The following RABGAP1L variants were observed in gnomAD, a reference collection of about 807,000 sequenced individuals.
RABGAP1L encodes the protein rab GTPase-activating protein 1-like.
Under a neutral mutation model 137.7 loss-of-function variants are expected in RABGAP1L, and 63 were observed. That is an observed-to-expected ratio of 0.46 (90% CI 0.37 to 0.56). RABGAP1L has a LOEUF of 0.56. RABGAP1L is among the 20% of genes least tolerant of loss of function. RABGAP1L has a pLI of 0.00. For missense variants in RABGAP1L, 1,095 were observed against 1,244.0 expected (o/e 0.88, Z 1.80); for synonymous variants, 431 against 433.7 (o/e 0.99, Z 0.08).
At chr1:174,467,509 A>G (rs1657437644) in intron 13 of RABGAP1L, among the ~76,000 whole-genome samples, 1 of 152,298 alleles carries the variant, frequency 6.6e-6, no homozygotes. Flanking sequence ...GAGTAAAATT[A>G]TCTATACCAG....
chr1:174,764,404 C>T (rs1685495306), intron 18 of RABGAP1L, among the ~76,000 whole-genome samples: 1 of 152,140 alleles, frequency 6.6e-6, no homozygotes. Flanking sequence ...AAAGCAGCTG[C>T]ACCATTACAT....
At chr1:174,969,694 C>T (rs1188191933) in intron 21 of RABGAP1L, among the ~76,000 whole-genome samples, 1 of 152,200 alleles carries the variant, frequency 6.6e-6, no homozygotes, top group African/African-American at 2.4e-5. Flanking sequence ...CAAGAATATG[C>T]CTGTACTAAT....
At chr1:174,710,024 G>T (rs1401774849) in intron 17 of RABGAP1L, among the ~76,000 whole-genome samples, 1 of 152,154 alleles carries the variant, frequency 6.6e-6, no homozygotes, top group East Asian at 1.9e-4. Flanking sequence ...GCATACACAA[G>T]TATCAATAGC....
chr1:174,393,572 TCC>T, intron 12 of RABGAP1L, among the ~76,000 whole-genome samples: 1 of 152,296 alleles, frequency 6.6e-6, no homozygotes, highest in Non-Finnish European at 1.5e-5. Flanking sequence ...AGGCCTATGA[TCC>T]GTTTTCAACA....
At chr1:174,365,334 G>GT (rs1169024786) in intron 11 of RABGAP1L, 1 of 152,136 alleles carries the variant, frequency 6.6e-6, no homozygotes, top group Non-Finnish European at 1.5e-5. Flanking sequence ...ATTAATCATG[G>GT]TTTCTCAGTT....
At chr1:174,821,067 G>T (rs965578422) in intron 19 of RABGAP1L, among the ~76,000 whole-genome samples, 1 of 150,220 alleles carries the variant, frequency 6.7e-6, no homozygotes, top group Non-Finnish European at 1.5e-5. Context: ...TCCAGTGATC[G>T]CAGCAAAACC....
intron 13 of RABGAP1L, among the ~76,000 whole-genome samples, chr1:174,623,450 TATACTC>T (rs1320421706): frequency 6.6e-6 from 1 of 152,202 alleles, no homozygotes; most frequent in Non-Finnish European, 1.5e-5. Flanking sequence ...AGAAAGCTGT[TATACTC>T]ATAGTTACAG....
In RABGAP1L at chr1:174,993,146, C is replaced by A. The variant is rs528969102; in HGVS notation, c.*3145C>A. ...GCATATGTTTGCTAGCTTCCCACAT[C>A]CTGAACCATGTCAAAATTTGGTTTT... On this transcript the variant is annotated 3_prime_UTR_variant, in exon 26 of 26. Transcript: ENST00000681986. The A allele has an allele frequency of 3.3e-5, 5 of 152,324 alleles. No individual in the cohort carries two copies. In the East Asian group the frequency reaches 9.6e-4, roughly 29 times the overall value. The allele number at this position is 152,324 out of a possible 1,614,324, so 9.4% of individuals were successfully genotyped here.
chr1:174,184,362 C>T (rs767171266), intron 1 of RABGAP1L, among the ~76,000 whole-genome samples: 27 of 152,110 alleles, frequency 1.8e-4, no homozygotes, highest in Non-Finnish European at 2.4e-4. Context: ...AATATCCATG[C>T]GCAGGTTTTT....
intron 1 of RABGAP1L, among the ~76,000 whole-genome samples, chr1:174,163,426 T>G (rs1664665984): frequency 6.6e-6 from 1 of 152,160 alleles, no homozygotes; most frequent in African/African-American, 2.4e-5. Flanking sequence ...TGCTAACTCT[T>G]TTTTGTTATC....
At chr1:174,695,976 C>T (rs1679226966) in intron 15 of RABGAP1L, among the ~76,000 whole-genome samples, 1 of 152,120 alleles carries the variant, frequency 6.6e-6, no homozygotes, top group South Asian at 2.1e-4. Flanking sequence ...TCATGCTGGG[C>T]TTCCTGGAGT....
At chr1:174,731,741 A>C (rs1214277605) in intron 17 of RABGAP1L, among the ~76,000 whole-genome samples, 1 of 152,156 alleles carries the variant, frequency 6.6e-6, no homozygotes, top group Admixed American at 6.5e-5. Context: ...ATATTCTGTA[A>C]ATGCTTCTTG....
chr1:174,623,722 C>A (rs1286217931), intron 13 of RABGAP1L, among the ~76,000 whole-genome samples: 1 of 152,150 alleles, frequency 6.6e-6, no homozygotes, highest in Admixed American at 6.5e-5. Flanking sequence ...TATTCTCCGG[C>A]CTCTCTGTAG....
intron 13 of RABGAP1L, among the ~76,000 whole-genome samples, chr1:174,467,138 A>C (rs562469070): frequency 6.6e-6 from 1 of 152,220 alleles, no homozygotes; most frequent in African/African-American, 2.4e-5. Flanking sequence ...ATACACAGCT[A>C]GTTTTCTGCC....
At chr1:174,797,777 C>T (rs1688384619) in intron 18 of RABGAP1L, among the ~76,000 whole-genome samples, 1 of 151,520 alleles carries the variant, frequency 6.6e-6, no homozygotes, top group Non-Finnish European at 1.5e-5. Context: ...AGGCCCAGAA[C>T]CTTTTCCTTC....
chr1:174,931,989 GGTT>G lies in RABGAP1L; in HGVS notation c.2341-25467_2341-25465del, dbSNP rs369022922. Among the ~76,000 whole-genome samples, 180 of 94,144 alleles carry G rather than the reference GGTT, an allele frequency of 1.9e-3. No homozygotes were observed. The South Asian group carries it at 0.02, about 10-fold the overall frequency. 61.8% of individuals were successfully genotyped at this position (94,144 alleles called of 152,430 possible). ...TAAAATTTCTTTAGACTGCTTTTTT[GGTT>G]TTTTTTTTTTTTTTTTTTTTTTGCC... On this transcript the variant is annotated intron_variant, in intron 19 of 25. Coordinates refer to ENST00000681986, the MANE Select transcript of RABGAP1L (RefSeq NM_001366446.1).
intron 19 of RABGAP1L, among the ~76,000 whole-genome samples, chr1:174,953,858 A>G (rs1416758139): frequency 6.6e-6 from 1 of 152,234 alleles, no homozygotes; most frequent in South Asian, 2.1e-4. Flanking sequence ...GAATAGCTGA[A>G]GGCAGCTGTT....
chr1:174,294,819 T>C (rs1676964143), intron 10 of RABGAP1L, among the ~76,000 whole-genome samples: 1 of 152,150 alleles, frequency 6.6e-6, no homozygotes. Flanking sequence ...GTGTGATTAT[T>C]TTCAGGTGAC....
chr1:174,424,057 CAAAG>C (rs1397759672), intron 13 of RABGAP1L, among the ~76,000 whole-genome samples: 1 of 151,920 alleles, frequency 6.6e-6, no homozygotes, highest in Non-Finnish European at 1.5e-5. Context: ...AAGGAGATCA[CAAAG>C]AAAGCATAGC....
Sources: gnomAD v4.1 joint callset for allele counts (sites outside exome capture counted in the v4.1 genomes callset) on GRCh38, gnomAD v4.1.1 for gene constraint, MANE v1.5 for transcripts, NCBI Gene and HGNC (gene_info 2026-07-23, HGNC 2026-07-21) for gene names.